HMCN1: variants seen among roughly 807,000 people sequenced by gnomAD.
HMCN1 encodes hemicentin 1, also known as hemicentin-1.
HMCN1 carries 321 observed loss-of-function variants against 625.9 expected under a neutral mutation model. The ratio of observed to expected loss-of-function variants is 0.51; its 90% CI spans 0.47 to 0.56. The LOEUF is 0.56. HMCN1 is among the 20% of genes least tolerant of loss of function. HMCN1 has a pLI of 0.00. For synonymous variants in HMCN1, 2,425 were observed against 2,417.6 expected, an observed-to-expected ratio of 1.00 and a Z score of -0.09; for missense variants, 6,588 against 6,887.3, an observed-to-expected ratio of 0.96 and a Z score of 1.54.
At position 185,970,519 on chromosome 1, in the gene HMCN1, A is replaced by G. The variant is rs758682919; in HGVS notation, c.2371+26A>G. The G allele has an allele frequency of 3.8e-6, 6 of 1,586,960 alleles. No individual in the cohort carries two copies. In the Admixed American group the frequency reaches 6.7e-5, roughly 18 times the overall value. On this transcript the variant is annotated intron_variant, in intron 15 of 106. Transcript: ENST00000271588. ...GTAAGCCTCCAGATCTTATAGGCCA[A>G]TTTGTTTAGAAATTGATATGTTATT...
chr1:185,999,755 C>A (rs1488022886), intron 25 of HMCN1, among the ~76,000 whole-genome samples: 1 of 152,072 alleles, frequency 6.6e-6, no homozygotes, highest in Non-Finnish European at 1.5e-5. Flanking sequence ...GCCAACAAAT[C>A]ACTGTGAACT....
At chr1:186,114,659 C>T (rs554526830) in intron 73 of HMCN1, among the ~76,000 whole-genome samples, 160 bp from the exon 74 acceptor site, 1 of 152,174 alleles carries the variant, frequency 6.6e-6, no homozygotes, top group Non-Finnish European at 1.5e-5. Context: ...ACCTTTGCAT[C>T]GTAGCCTTTT....
In HMCN1 at chr1:186,055,595, A is replaced by G. The variant is rs940974742; in HGVS notation, c.7065A>G (p.Val2355=). 1.2e-6 allele frequency: 2 copies of G among 1,612,724 alleles called. No homozygotes were observed. Among genetic ancestry groups the G allele is most frequent in the Non-Finnish European group, 1.7e-6 (2 of 1,179,200 alleles). The change falls in exon 45 of 107, where the codon GTA becomes GTG. Residue 2355 remains valine, a synonymous_variant. Transcript: ENST00000271588. ...GHILQLKNIH[V]SDTGRYVCVA... is the part of the protein sequence containing the mutation. ...TCCTTCAGCTGAAGAACATTCATGTATCTGACACAGGCCGTTATGTGTGTG... is the reference window on the plus strand; with the variant it reads ...TCCTTCAGCTGAAGAACATTCATGTGTCTGACACAGGCCGTTATGTGTGTG...
intron 1 of HMCN1, among the ~76,000 whole-genome samples, chr1:185,800,203 C>T (rs1299022316): frequency 6.6e-6 from 1 of 152,228 alleles, no homozygotes; most frequent in Non-Finnish European, 1.5e-5. Context: ...TGTCCAGAAG[C>T]TTGCCCTAGC....
chr1:186,082,537 C>G, intron 56 of HMCN1, among the ~76,000 whole-genome samples: 1 of 152,104 alleles, frequency 6.6e-6, no homozygotes, highest in East Asian at 1.9e-4. Flanking sequence ...AGTCACAAGA[C>G]CAACACAAAT....
chr1:185,911,238 ACT>A lies in HMCN1; in HGVS notation c.794-433_794-432del, dbSNP rs1356234037. Among the ~76,000 whole-genome samples, 250 of 151,896 alleles carry A rather than the reference ACT, an allele frequency of 1.6e-3. 3 individuals are homozygous for A. Among genetic ancestry groups the A allele is most frequent in the East Asian group, 3.9e-4 (2 of 5,140 alleles). ...CTATTTAATCTAAATCTCTCTAGTG[ACT>A]CTGCATAACATTTTTGGTAGCCATA... On this transcript the variant is annotated intron_variant, in intron 5 of 106. Coordinates refer to ENST00000271588, the MANE Select transcript of HMCN1 (RefSeq NM_031935.3).
At chr1:185,925,277 G>A in intron 9 of HMCN1, 86 bp downstream of exon 9, 1 of 1,341,976 alleles carries the variant, frequency 7.5e-7, no homozygotes, top group Non-Finnish European at 1.1e-6. Flanking sequence ...CTTTTTCACT[G>A]AAAATTCTCA....
chr1:185,997,624 T>A, intron 25 of HMCN1, 100 bp downstream of exon 25: 2 of 821,476 alleles, frequency 2.4e-6, no homozygotes, highest in Admixed American at 3.7e-5. Context: ...TCCACATCAA[T>A]CCTTGGTAGA....
chr1:186,133,564 GCAAGT>G (rs940553145), intron 86 of HMCN1, among the ~76,000 whole-genome samples: 2 of 152,286 alleles, frequency 1.3e-5, no homozygotes, highest in Admixed American at 6.5e-5. Flanking sequence ...GAGAATTTAA[GCAAGT>G]CAAGTCATTT....
intron 4 of HMCN1, among the ~76,000 whole-genome samples, chr1:185,907,896 G>A (rs1336555720): frequency 6.6e-6 from 1 of 151,426 alleles, no homozygotes; most frequent in Non-Finnish European, 1.5e-5. Context: ...AAGAACATCA[G>A]TATTATTACC....
At chr1:185,822,174 C>T (rs1218916734) in intron 1 of HMCN1, among the ~76,000 whole-genome samples, 1 of 151,960 alleles carries the variant, frequency 6.6e-6, no homozygotes, top group African/African-American at 2.4e-5. Context: ...GTGTACAACA[C>T]CAAGAGGGGG....
At chr1:186,163,623 A>G (rs192016097) in intron 97 of HMCN1, among the ~76,000 whole-genome samples, 27 of 152,374 alleles carry the variant, frequency 1.8e-4, no homozygotes, top group Non-Finnish European at 3.4e-4. Context: ...AATTTATATG[A>G]AAATTGCATT....
At chr1:186,112,553 A>T (rs1280424281) in intron 71 of HMCN1, among the ~76,000 whole-genome samples, 1 of 152,174 alleles carries the variant, frequency 6.6e-6, no homozygotes, top group Non-Finnish European at 1.5e-5. Flanking sequence ...GGTAGGCCTG[A>T]TTGAGTCACC....
rs751790241 is a variant in HMCN1, at chr1:186,053,877, C to T, written c.6753C>T (p.Gly2251=). The T allele has an allele frequency of 2.5e-6, 4 of 1,612,630 alleles. No individual in the cohort carries two copies. In the Admixed American group the frequency reaches 6.7e-5, roughly 27 times the overall value. Residue 2251 remains glycine, a synonymous_variant, in exon 44 of 107, where the codon GGC becomes GGT. Coordinates refer to ENST00000271588, the MANE Select transcript of HMCN1 (RefSeq NM_031935.3). ...SMGRVRILSG[G]RQLQISIAEK... is the part of the protein sequence containing the mutation. ...GGCGAGTTAGAATTTTATCTGGGGG[C>T]AGGCAATTACAAATTTCAATTGCTG...
chr1:186,078,681 A>G (rs1658975473), intron 55 of HMCN1, among the ~76,000 whole-genome samples: 1 of 152,154 alleles, frequency 6.6e-6, no homozygotes, highest in Non-Finnish European at 1.5e-5. Context: ...CCTAGTATTT[A>G]CAATTGAAGC....
At chr1:185,870,805 G>A (rs1663562753) in intron 4 of HMCN1, among the ~76,000 whole-genome samples, 1 of 152,044 alleles carries the variant, frequency 6.6e-6, no homozygotes, top group African/African-American at 2.4e-5. Flanking sequence ...ACAGAGGCAG[G>A]GTATCAGTAA....
intron 106 of HMCN1, among the ~76,000 whole-genome samples, chr1:186,189,189 GC>G (rs955948364): frequency 4.6e-5 from 7 of 152,098 alleles, no homozygotes; most frequent in Admixed American, 3.9e-4. Flanking sequence ...CAATATATAT[GC>G]AGAAGCTCTT....
chr1:185,969,171 A>G (rs1223815323), intron 14 of HMCN1, among the ~76,000 whole-genome samples: 1 of 152,184 alleles, frequency 6.6e-6, no homozygotes, highest in Non-Finnish European at 1.5e-5. Flanking sequence ...TGGTGTGAGG[A>G]AAGTTTATGT....
intron 15 of HMCN1, among the ~76,000 whole-genome samples, chr1:185,971,487 A>C (rs1376383927): frequency 2.0e-5 from 3 of 152,208 alleles, no homozygotes; most frequent in Non-Finnish European, 4.4e-5. Context: ...TTTTAAGATA[A>C]TTTAATATTT....
Sources: gnomAD v4.1 joint callset for allele counts (sites outside exome capture counted in the v4.1 genomes callset) on GRCh38, gnomAD v4.1.1 for gene constraint, MANE v1.5 for transcripts, NCBI Gene and HGNC (gene_info 2026-07-23, HGNC 2026-07-21) for gene names.